STX17: variants seen among roughly 807,000 people sequenced by gnomAD.
The protein encoded by STX17 is syntaxin-17.
A neutral mutation model predicts 35.9 loss-of-function variants in STX17; 29 were observed. The observed-to-expected ratio is 0.81, with a 90% CI of 0.60 to 1.10. STX17 has a LOEUF of 1.10. Among genes scored for constraint, STX17 ranks in the 50% least tolerant of loss-of-function variants. The probability of loss-of-function intolerance (pLI) is 0.00; values close to 1 mark genes in which losing one functional copy is unlikely to be tolerated. For synonymous variants in STX17, 92 were observed against 118.3 expected (o/e 0.78, Z 1.44); for missense variants, 312 against 352.3 (o/e 0.89, Z 0.92).
chr9:99,942,737 AT>A (rs1003828209), intron 3 of STX17, among the ~76,000 whole-genome samples: 6 of 150,986 alleles, frequency 4.0e-5, no homozygotes, highest in South Asian at 2.1e-4. Context: ...ATCCAGCTTT[AT>A]TTTTTTTTCA....
At chr9:99,963,118 T>G (rs537544720) in intron 6 of STX17, among the ~76,000 whole-genome samples, 2 of 152,330 alleles carry the variant, frequency 1.3e-5, no homozygotes, top group South Asian at 4.1e-4. Context: ...TCAAAATGGT[T>G]AAAATGGTAA....
chr9:99,938,001 T>C (rs1392597787), intron 3 of STX17: 1 of 152,274 alleles, frequency 6.6e-6, no homozygotes, highest in Admixed American at 6.5e-5. Context: ...CCTTTTTGAG[T>C]GCACTACTCA....
In STX17 at chr9:99,928,758, C is replaced by T; in HGVS notation, c.124-20C>T. Reference sequence around the variant, plus strand: ...TTTAGTGATGAAAAATTTAATACCTCCCTTCTTTCTTTTATATAGTATCAA... The same window carrying T: ...TTTAGTGATGAAAAATTTAATACCTTCCTTCTTTCTTTTATATAGTATCAA... On this transcript the variant is annotated intron_variant, in intron 2 of 7. Coordinates refer to ENST00000259400, the MANE Select transcript of STX17 (RefSeq NM_017919.3). 6.4e-7 allele frequency: 1 copy of T among 1,573,450 alleles called. No individual in the cohort carries two copies. Among genetic ancestry groups the T allele is most frequent in the Non-Finnish European group, 8.7e-7 (1 of 1,147,792 alleles).
chr9:99,908,753 A>G (rs1249623475), intron 1 of STX17, among the ~76,000 whole-genome samples: 1 of 152,164 alleles, frequency 6.6e-6, no homozygotes, highest in Non-Finnish European at 1.5e-5. Context: ...AATAGTATTT[A>G]AACACAAAGA....
intron 6 of STX17, among the ~76,000 whole-genome samples, chr9:99,961,040 C>T (rs1030895433): frequency 9.9e-5 from 15 of 152,100 alleles, no homozygotes; most frequent in African/African-American, 3.1e-4. Flanking sequence ...AGTGTATGGC[C>T]TGTTCCAGAT....
intron 6 of STX17, among the ~76,000 whole-genome samples, chr9:99,966,684 T>C (rs991340817): frequency 6.6e-6 from 1 of 152,270 alleles, no homozygotes; most frequent in Non-Finnish European, 1.5e-5. Flanking sequence ...TTGTTGTTTA[T>C]ACATTTGTGA....
chr9:99,908,484 G>A (rs1430333519), intron 1 of STX17, among the ~76,000 whole-genome samples: 1 of 152,086 alleles, frequency 6.6e-6, no homozygotes, highest in Admixed American at 6.5e-5. Flanking sequence ...TATCCATGTG[G>A]ACTTAGATGT....
rs2118561847 is a variant in STX17 at position 99,971,099 on chromosome 9, AGT to A, written c.*2429_*2430del. Among the ~76,000 whole-genome samples the A allele has an allele frequency of 1.3e-5, 2 of 152,360 alleles. No individual in the cohort carries two copies. The highest frequency in any genetic ancestry group is 4.1e-4 in the South Asian group (2 of 4,830). On this transcript the variant is annotated 3_prime_UTR_variant, in exon 8 of 8. Coordinates refer to ENST00000259400, the MANE Select transcript of STX17 (RefSeq NM_017919.3). Reference sequence around the variant, plus strand: ...GAGTTTGATCAACTATAAATGATAAAGTGTTTATAAGCATAGTCAGTGTGACA... The same window carrying A: ...GAGTTTGATCAACTATAAATGATAAAGTTTATAAGCATAGTCAGTGTGACA...
chr9:99,918,803 C>A (rs1190465217), intron 2 of STX17, among the ~76,000 whole-genome samples: 1 of 152,042 alleles, frequency 6.6e-6, no homozygotes, highest in African/African-American at 2.4e-5. Context: ...GTTAGCTGTT[C>A]AGTTTTAAGA....
intron 3 of STX17, among the ~76,000 whole-genome samples, chr9:99,932,641 T>A (rs894783571): frequency 6.6e-6 from 1 of 152,202 alleles, no homozygotes; most frequent in African/African-American, 2.4e-5. Context: ...AGTATTTGTT[T>A]ACTGATTTTT....
intron 3 of STX17, among the ~76,000 whole-genome samples, chr9:99,932,307 A>G (rs1439046950): frequency 6.6e-6 from 1 of 152,216 alleles, no homozygotes; most frequent in Non-Finnish European, 1.5e-5. Context: ...CAGAGGTCCA[A>G]GAAAAAGATG....
intron 4 of STX17, among the ~76,000 whole-genome samples, chr9:99,957,872 C>T (rs565218629): frequency 3.3e-5 from 5 of 151,954 alleles, no homozygotes; most frequent in African/African-American, 1.2e-4. Context: ...AGGCTGATCT[C>T]GAACTCCTGA....
chr9:99,968,355 T>G, intron 7 of STX17, 79 bp from the exon 8 acceptor site: 1 of 1,482,860 alleles, frequency 6.7e-7, no homozygotes, highest in Non-Finnish European at 9.0e-7. Flanking sequence ...TTGCCAGGAG[T>G]AATGAGAGGA....
intron 3 of STX17, among the ~76,000 whole-genome samples, chr9:99,936,971 A>C (rs899806445): frequency 1.3e-5 from 2 of 152,112 alleles, no homozygotes; most frequent in Non-Finnish European, 2.9e-5. Flanking sequence ...TGCTGTGACG[A>C]ATACTTTGAG....
intron 4 of STX17, among the ~76,000 whole-genome samples, chr9:99,954,360 A>T (rs1256603233): frequency 6.6e-6 from 1 of 152,048 alleles, no homozygotes; most frequent in Non-Finnish European, 1.5e-5. Flanking sequence ...AAGCAATTAA[A>T]AAACTACTGT....
chr9:99,969,666 T>C lies in STX17; in HGVS notation c.*993T>C, dbSNP rs1281586983. 6.6e-6 allele frequency: 1 copy of C among 152,266 alleles called. No homozygotes were observed. Among genetic ancestry groups the C allele is most frequent in the African/African-American group, 2.4e-5 (1 of 41,312 alleles). The allele number at this position is 152,266 out of a possible 1,614,324, so 9.4% of individuals were successfully genotyped here. A position where few individuals can be genotyped will look rare whatever the true frequency, so the allele number is the denominator to read the frequency against. On this transcript the variant is annotated 3_prime_UTR_variant, in exon 8 of 8. Coordinates refer to ENST00000259400, the MANE Select transcript of STX17 (RefSeq NM_017919.3). ...GGCATGTTCCAGTTTTGAGGGGTGA[T>C]ATATCTGCCAGATAGGGGGTATCTG... is the stretch of plus-strand genomic sequence containing the variant.
rs1454331090 is a variant in STX17, at chr9:99,972,771, G to A, written c.*4098G>A. ...TGTGTTAACCTTAAATATGAAAGGT[G>A]TTTCTCAGGGTCCCCTTTGTCCTTC... is the stretch of plus-strand genomic sequence containing the variant. On this transcript the variant is annotated 3_prime_UTR_variant, in exon 8 of 8. Transcript: ENST00000259400. Among the ~76,000 whole-genome samples, 1 of 152,156 alleles carries A rather than the reference G, an allele frequency of 6.6e-6. No individual in the cohort carries two copies. Among genetic ancestry groups the A allele is most frequent in the Non-Finnish European group, 1.5e-5 (1 of 68,032 alleles).
intron 2 of STX17, among the ~76,000 whole-genome samples, chr9:99,924,763 C>T (rs1265393598): frequency 1.3e-5 from 2 of 152,034 alleles, no homozygotes; most frequent in Admixed American, 1.3e-4. Flanking sequence ...TTCTTTCATC[C>T]TTCCTTCCTT....
chr9:99,958,573 G>C (rs1013834419), intron 4 of STX17, among the ~76,000 whole-genome samples: 1 of 152,130 alleles, frequency 6.6e-6, no homozygotes, highest in Non-Finnish European at 1.5e-5. Flanking sequence ...AAATACCCAA[G>C]GCAAACAGTT....
Sources: gnomAD v4.1 joint callset for allele counts (sites outside exome capture counted in the v4.1 genomes callset) on GRCh38, gnomAD v4.1.1 for gene constraint, MANE v1.5 for transcripts, NCBI Gene and HGNC (gene_info 2026-07-23, HGNC 2026-07-21) for gene names.